Variants in XKR6 observed in about 807,000 individuals in gnomAD.
XKR6 encodes the protein XK-related protein 6.
In XKR6, 22 loss-of-function variants were observed where a neutral mutation model predicts 56.7. That is an observed-to-expected ratio of 0.39 (90% confidence interval 0.28 to 0.55). The LOEUF (loss-of-function observed/expected upper bound fraction) is 0.55, where lower values mean the gene tolerates loss of function less well. Among genes scored for constraint, XKR6 ranks in the 20% least tolerant of loss-of-function variants. XKR6 has a pLI of 0.66. For missense variants in XKR6, 852 were observed against 889.0 expected, an observed-to-expected ratio of 0.96 and a Z score of 0.53; for synonymous variants, 524 against 387.8, an observed-to-expected ratio of 1.35 and a Z score of -4.13.
chr8:10,956,434 C>G (rs73196859), intron 1 of XKR6, among the ~76,000 whole-genome samples: 9,831 of 152,244 alleles, frequency 0.065, 351 homozygotes, highest in Middle Eastern at 0.14. Context: ...AGGCACTGCA[C>G]CTACCCCTTA....
intron 1 of XKR6, among the ~76,000 whole-genome samples, chr8:11,002,189 A>G (rs1327365607): frequency 6.6e-6 from 1 of 151,830 alleles, no homozygotes; most frequent in Non-Finnish European, 1.5e-5. Flanking sequence ...ACCCTCCCCA[A>G]TCCTGAGAGG....
At chr8:11,044,741 C>T (rs1799365979) in intron 1 of XKR6, among the ~76,000 whole-genome samples, 1 of 151,784 alleles carries the variant, frequency 6.6e-6, no homozygotes, top group South Asian at 2.1e-4. Flanking sequence ...GCCTCAGGCT[C>T]CCAAGCAGCT....
In XKR6 at chr8:11,200,571, C is replaced by G. The variant is rs767296961; in HGVS notation, c.764+5G>C. 1 of 1,484,414 alleles carries G rather than the reference C, an allele frequency of 6.7e-7. No homozygotes were observed. Among genetic ancestry groups the G allele is most frequent in the South Asian group, 1.4e-5 (1 of 71,620 alleles). 92.0% of individuals were successfully genotyped at this position (1,484,414 alleles called of 1,614,324 possible). A position where few individuals can be genotyped will look rare whatever the true frequency, so the allele number is the denominator to read the frequency against. ...CGGCCCGCCCCCACCCCGCAGTGCT[C>G]TTACCTCCACACCTGCCCCATCTGC... On this transcript the variant is annotated splice_donor_5th_base_variant and intron_variant, in intron 1 of 2. Transcript: ENST00000416569. The surrounding 1 kb of genome is among the most constrained non-coding windows in gnomAD (Gnocchi z 6.4).
chr8:11,008,395 T>C (rs1396492394), intron 1 of XKR6, among the ~76,000 whole-genome samples: 1 of 142,178 alleles, frequency 7.0e-6, no homozygotes, highest in African/African-American at 2.6e-5. Context: ...GCTGGACGCA[T>C]CCCCTAAAGG....
At chr8:11,116,247 G>C (rs1039540213) in intron 1 of XKR6, among the ~76,000 whole-genome samples, 30 of 152,140 alleles carry the variant, frequency 2.0e-4, no homozygotes, top group African/African-American at 2.9e-4. Context: ...CAGAGAAAAC[G>C]TAACTAATTC....
intron 1 of XKR6, among the ~76,000 whole-genome samples, chr8:11,074,781 C>G (rs534297052): frequency 6.6e-6 from 1 of 152,330 alleles, no homozygotes; most frequent in South Asian, 2.1e-4. Context: ...CACACCAGAC[C>G]TCTGTGATAG....
chr8:10,989,156 T>G lies in XKR6; in HGVS notation c.765-64326A>C, dbSNP rs568177789. 5.9e-5 allele frequency among the ~76,000 whole-genome samples: 9 copies of G among 152,310 alleles called. 1 individual carries two copies. The highest frequency in any genetic ancestry group is 3.4e-3 in the Middle Eastern group (1 of 294). On this transcript the variant is annotated intron_variant, in intron 1 of 2. Coordinates refer to ENST00000416569, the MANE Select transcript of XKR6 (RefSeq NM_173683.4). ...TGTGGAGGTTATACAAGGAGCTGGG[T>G]GATGCCTCACAGGGGCAATATTCAG...
At chr8:11,065,919 C>A (rs1799965389) in intron 1 of XKR6, among the ~76,000 whole-genome samples, 1 of 152,188 alleles carries the variant, frequency 6.6e-6, no homozygotes, top group Admixed American at 6.5e-5. Flanking sequence ...GGATGTGTGC[C>A]CACAGTACCT....
At position 11,136,246 on chromosome 8, in the gene XKR6, G is replaced by A. The variant is rs145863402; in HGVS notation, c.764+64330C>T. On this transcript the variant is annotated intron_variant, in intron 1 of 2. Coordinates refer to ENST00000416569, the MANE Select transcript of XKR6 (RefSeq NM_173683.4). ...TCAAAAATTCCTGGCCTGGCGCGGC[G>A]GCTCACGCCTGTAATCCCAGCACTC... 2.5e-3 allele frequency among the ~76,000 whole-genome samples: 382 copies of A among 152,290 alleles called. 1 individual carries two copies. The highest frequency in any genetic ancestry group is 8.1e-3 in the African/African-American group (335 of 41,570).
chr8:11,057,636 G>T (rs553023982), intron 1 of XKR6, among the ~76,000 whole-genome samples: 4 of 152,166 alleles, frequency 2.6e-5, no homozygotes, highest in African/African-American at 9.7e-5. Flanking sequence ...CCTGTGTTGG[G>T]TGGAATGAAG....
chr8:10,972,030 C>T (rs957837512), intron 1 of XKR6, among the ~76,000 whole-genome samples: 1 of 152,226 alleles, frequency 6.6e-6, no homozygotes, highest in Non-Finnish European at 1.5e-5. Flanking sequence ...CCAGAAGTGA[C>T]ATTCAGTTGA....
chr8:11,083,086 C>T (rs1395215176), intron 1 of XKR6, among the ~76,000 whole-genome samples: 5 of 152,114 alleles, frequency 3.3e-5, no homozygotes, highest in East Asian at 1.9e-4. Context: ...CTCTGGAACT[C>T]GGGGGCTGCT....
intron 1 of XKR6, among the ~76,000 whole-genome samples, chr8:11,121,280 C>A (rs1196703086): frequency 1.3e-5 from 2 of 152,022 alleles, no homozygotes; most frequent in East Asian, 1.9e-4. Context: ...ATTTTTGCAA[C>A]CTCCTCATCT....
intron 2 of XKR6, among the ~76,000 whole-genome samples, chr8:10,919,362 C>T (rs1800649942): frequency 6.6e-6 from 1 of 152,224 alleles, no homozygotes; most frequent in South Asian, 2.1e-4. Context: ...CAGTTGTCTG[C>T]TTCAATACTC....
At position 11,201,260 on chromosome 8, in the gene XKR6, C is replaced by A; in HGVS notation, c.80G>T (p.Gly27Val). 6.4e-7 allele frequency: 1 copy of A among 1,571,738 alleles called. No individual in the cohort carries two copies. Among genetic ancestry groups the A allele is most frequent in the East Asian group, 2.4e-5 (1 of 42,216 alleles). ...CCCGGGCTCCCCGTCCTCCTCGCCG[C>A]CGCTGCCCACCGCCTCGTCCAGGTT... The part of the protein sequence containing the change: ...LHNLDEAVGS[G>V]GEEDGEPGGG... The change falls in exon 1 of 3, where the codon GGC (glycine) becomes GTC (valine). Residue 27 changes from glycine (G) to valine (V), a missense_variant. Around this residue, in one of 4 missense-constraint regions of XKR6, gnomAD observed 417 missense variants for 355.2 expected, o/e 1.17. Coordinates refer to ENST00000416569, the MANE Select transcript of XKR6 (RefSeq NM_173683.4).
Position 10,981,288 on chromosome 8 carries a change from A to G in XKR6, c.765-56458T>C, listed in dbSNP as rs559452960. Among the ~76,000 whole-genome samples the G allele has an allele frequency of 2.0e-5, 3 of 152,310 alleles. No individual in the cohort carries two copies. In the East Asian group the frequency reaches 5.8e-4, roughly 29 times the overall value. On this transcript the variant is annotated intron_variant, in intron 1 of 2. Transcript: ENST00000416569. Reference sequence around the variant, plus strand: ...GAGAGTGAAGTTATGAATTGCTCCCATGGCAGGATTAACTCTAGCAATAGT... The same window carrying G: ...GAGAGTGAAGTTATGAATTGCTCCCGTGGCAGGATTAACTCTAGCAATAGT...
chr8:11,118,798 C>T (rs1799301612), intron 1 of XKR6, among the ~76,000 whole-genome samples: 1 of 152,120 alleles, frequency 6.6e-6, no homozygotes, highest in African/African-American at 2.4e-5. Flanking sequence ...TTTTTTGTGT[C>T]TCTATTTCCT....
intron 1 of XKR6, among the ~76,000 whole-genome samples, chr8:11,190,260 G>T (rs933182793): frequency 6.6e-6 from 1 of 151,160 alleles, no homozygotes; most frequent in South Asian, 2.1e-4. Context: ...GAAAAGAAAG[G>T]AAAGGAAAAG....
chr8:11,069,600 A>G (rs1800067128), intron 1 of XKR6, among the ~76,000 whole-genome samples: 1 of 152,114 alleles, frequency 6.6e-6, no homozygotes, highest in African/African-American at 2.4e-5. Flanking sequence ...AGCTGAGCAT[A>G]AAAGAAAGCA....
Sources: gnomAD v4.1 joint callset for allele counts (sites outside exome capture counted in the v4.1 genomes callset) on GRCh38, gnomAD v4.1.1 for gene constraint, gnomAD v4.1.1 regional missense constraint, Gnocchi (gnomAD v3.1) non-coding constraint, MANE v1.5 for transcripts, NCBI Gene and HGNC (gene_info 2026-07-23, HGNC 2026-07-21) for gene names.